Variants in PTCHD4 observed in about 807,000 individuals in gnomAD.
PTCHD4 encodes patched domain containing 4.
Under a neutral mutation model 58.1 loss-of-function variants are expected in PTCHD4, and 33 were observed. The observed-to-expected ratio is 0.57, with a 90% CI of 0.43 to 0.76. PTCHD4 has a LOEUF of 0.76. PTCHD4 is among the 30% of genes least tolerant of loss of function. PTCHD4 has a pLI of 0.00. For synonymous variants in PTCHD4, 478 were observed against 409.6 expected, an observed-to-expected ratio of 1.17 and a Z score of -2.02; for missense variants, 1,058 against 1,027.1, an observed-to-expected ratio of 1.03 and a Z score of -0.41.
At chr6:47,890,984 G>C (rs1764361432) in intron 4 of PTCHD4, 3 of 538,124 alleles carry the variant, frequency 5.6e-6, no homozygotes. Flanking sequence ...GAGGCTGGTG[G>C]ATCACTTGAG....
At chr6:48,001,026 C>T (rs1057006766) in intron 4 of PTCHD4, among the ~76,000 whole-genome samples, 1 of 151,984 alleles carries the variant, frequency 6.6e-6, no homozygotes, top group Non-Finnish European at 1.5e-5. Flanking sequence ...GAGAATAAAA[C>T]ACCTAGGAAT....
intron 4 of PTCHD4, among the ~76,000 whole-genome samples, chr6:47,934,041 T>C (rs971774921): frequency 2.0e-5 from 3 of 152,216 alleles, no homozygotes; most frequent in African/African-American, 7.2e-5. Context: ...ATATATATAA[T>C]GTACATGTAT....
At chr6:48,016,573 AT>A (rs1762875543) in intron 3 of PTCHD4, among the ~76,000 whole-genome samples, 1 of 151,942 alleles carries the variant, frequency 6.6e-6, no homozygotes, top group Middle Eastern at 3.2e-3. Flanking sequence ...TCATGATGCT[AT>A]CTCACGGCCA....
intron 3 of PTCHD4, among the ~76,000 whole-genome samples, chr6:48,034,181 G>A (rs1363193013): frequency 2.6e-5 from 4 of 152,214 alleles, no homozygotes; most frequent in African/African-American, 7.2e-5. Context: ...GGAAGTTTGG[G>A]TATACTGTAA....
rs771135094 is a variant in PTCHD4 at position 48,007,934 on chromosome 6, G to GCACACACACA, written c.898+699_898+700insTGTGTGTGTG. Among the ~76,000 whole-genome samples the GCACACACACA allele has an allele frequency of 1.2e-3, 63 of 53,026 alleles. 1 individual carries two copies. Among genetic ancestry groups the GCACACACACA allele is most frequent in the African/African-American group, 4.2e-3 (57 of 13,700 alleles). The allele number at this position is 53,026 out of a possible 152,430, so 34.8% of individuals were successfully genotyped here. A position where few individuals can be genotyped will look rare whatever the true frequency, so the allele number is the denominator to read the frequency against. On this transcript the variant is annotated intron_variant, in intron 4 of 4. Transcript: ENST00000339488. ...TCTCTTTGAAAGAATATGTGCGCGC[G>GCACACACACA]CGCACACACACACACACACACACAC...
intron 4 of PTCHD4, among the ~76,000 whole-genome samples, chr6:47,971,591 GA>G (rs1767513484): frequency 6.6e-6 from 1 of 152,182 alleles, no homozygotes; most frequent in African/African-American, 2.4e-5. Context: ...ATTTCAGAAA[GA>G]AGTTTCTAAC....
intron 4 of PTCHD4, among the ~76,000 whole-genome samples, chr6:47,937,794 A>G (rs541727796): frequency 1.3e-5 from 2 of 152,334 alleles, no homozygotes; most frequent in East Asian, 1.9e-4. Flanking sequence ...GGGACCTGCA[A>G]TGGAGACTTG....
intron 4 of PTCHD4, among the ~76,000 whole-genome samples, chr6:47,993,993 C>T (rs538392244): frequency 2.5e-4 from 38 of 152,244 alleles, no homozygotes; most frequent in African/African-American, 8.4e-4. Flanking sequence ...CAGTGCCTGA[C>T]GATGGCTGTA....
intron 3 of PTCHD4, among the ~76,000 whole-genome samples, chr6:48,026,362 G>C (rs138767455): frequency 0.024 from 3,625 of 152,224 alleles, 128 homozygotes; most frequent in African/African-American, 0.075. Context: ...TGTTTTGCCA[G>C]CTTTGTCCAT....
rs1250114278 is a variant in PTCHD4 at position 47,861,908 on chromosome 6, C to T, written c.*16395G>A. The stretch of plus-strand genomic sequence containing the variant: ...TGAATGAATGATATGGCTAGTTCAT[C>T]AGGTCATTTTATTTTCCTAGTTCCT... On this transcript the variant is annotated 3_prime_UTR_variant, in exon 5 of 5. Transcript: ENST00000339488. Among the ~76,000 whole-genome samples the T allele has an allele frequency of 1.3e-5, 2 of 151,876 alleles. No individual in the cohort carries two copies. Among genetic ancestry groups the T allele is most frequent in the Admixed American group, 6.6e-5 (1 of 15,202 alleles).
At chr6:47,905,265 A>G (rs1764840946) in intron 4 of PTCHD4, among the ~76,000 whole-genome samples, 1 of 152,190 alleles carries the variant, frequency 6.6e-6, no homozygotes, top group South Asian at 2.1e-4. Flanking sequence ...CCTTTTATAT[A>G]CCACTCTGGC....
chr6:47,905,913 C>A (rs2114156529), intron 4 of PTCHD4, among the ~76,000 whole-genome samples: 1 of 152,360 alleles, frequency 6.6e-6, no homozygotes, highest in African/African-American at 2.4e-5. Context: ...GCCAGTACAA[C>A]TGTTTCCCCT....
intron 3 of PTCHD4, among the ~76,000 whole-genome samples, chr6:48,018,867 G>A (rs2114105926): frequency 6.6e-6 from 1 of 152,272 alleles, no homozygotes. Flanking sequence ...AGCATTTGAG[G>A]AAAGCAGCAA....
rs1040088968 is a variant in PTCHD4 at position 47,872,328 on chromosome 6, T to C, written c.*5975A>G. On this transcript the variant is annotated 3_prime_UTR_variant, in exon 5 of 5. Coordinates refer to ENST00000339488, the MANE Select transcript of PTCHD4 (RefSeq NM_001384253.1). The stretch of plus-strand genomic sequence containing the variant: ...TGCAGTCTTCCAAAGCATTAGAATT[T>C]TTTTCCCCCTCTGGTTTGACAGAGC... Among the ~76,000 whole-genome samples, 3 of 151,712 alleles carry C rather than the reference T, an allele frequency of 2.0e-5. No individual in the cohort carries two copies. Among genetic ancestry groups the C allele is most frequent in the South Asian group, 2.1e-4 (1 of 4,820 alleles).
At chr6:48,038,582 GTGAGCCAAGATCATGGCACTGCATT>G (rs1763731681) in intron 3 of PTCHD4, among the ~76,000 whole-genome samples, 2 of 150,640 alleles carry the variant, frequency 1.3e-5, no homozygotes, top group Admixed American at 6.6e-5. Context: ...AGAGGTTGCA[GTGAGCCAAGATCATGGCACTGCATT>G]TGAGCCAAGA....
intron 4 of PTCHD4, among the ~76,000 whole-genome samples, chr6:47,990,599 A>G (rs535410151): frequency 5.7e-4 from 87 of 152,262 alleles, no homozygotes; most frequent in Non-Finnish European, 7.1e-4. Flanking sequence ...ACCACCATAT[A>G]AGAAGTACCT....
chr6:47,879,720 A>T lies in PTCHD4; in HGVS notation c.1115T>A (p.Ile372Asn). 6.2e-7 allele frequency: 1 copy of T among 1,613,694 alleles called. No individual in the cohort carries two copies. The highest frequency in any genetic ancestry group is 8.5e-7 in the Non-Finnish European group (1 of 1,179,750). The change falls in exon 5 of 5, where the codon ATT (isoleucine) becomes AAT (asparagine). Residue 372 changes from isoleucine to asparagine, a missense_variant. Coordinates refer to ENST00000339488, the MANE Select transcript of PTCHD4 (RefSeq NM_001384253.1). ...GAAAATGTAGAAGTAGTTCAACAGA[A>T]TAGAGACACACATGTTTTGACAGAA... ...KVFCQNMCVSILLNYFYIFSF... is the reference protein window; with the variant it reads ...KVFCQNMCVSNLLNYFYIFSF...
chr6:48,021,947 G>A (rs1202396862), intron 3 of PTCHD4, among the ~76,000 whole-genome samples: 1 of 152,062 alleles, frequency 6.6e-6, no homozygotes, highest in African/African-American at 2.4e-5. Flanking sequence ...CAAATATGGA[G>A]TACATATCTC....
At chr6:47,992,233 T>C (rs1768304664) in intron 4 of PTCHD4, among the ~76,000 whole-genome samples, 1 of 152,164 alleles carries the variant, frequency 6.6e-6, no homozygotes, top group African/African-American at 2.4e-5. Context: ...TTTATGCTGA[T>C]AAAATATTTA....
Sources: allele counts gnomAD v4.1 joint callset (sites outside exome capture counted in the v4.1 genomes callset), GRCh38; gene constraint gnomAD v4.1.1; transcripts MANE v1.5; gene names NCBI Gene and HGNC (gene_info 2026-07-23, HGNC 2026-07-21).